OPN5: variants seen among roughly 807,000 people sequenced by gnomAD.
OPN5 encodes the protein opsin 5, also known as opsin-5.
OPN5 carries 18 observed loss-of-function variants against 41.7 expected under a neutral mutation model. The ratio of observed to expected loss-of-function variants is 0.43; its 90% confidence interval spans 0.30 to 0.64. OPN5 has a LOEUF of 0.64. OPN5 is among the 30% of genes least tolerant of loss of function. The pLI, the probability that OPN5 is intolerant of heterozygous loss-of-function variation, is 0.13. For synonymous variants in OPN5, 178 were observed against 164.3 expected (o/e 1.08, Z -0.64); for missense variants, 318 against 434.5 (o/e 0.73, Z 2.38).
chr6:47,824,198 A>G, exon 7 of OPN5: 1 of 587,684 alleles, frequency 1.7e-6, no homozygotes, highest in Non-Finnish European at 3.0e-6. Flanking sequence ...TCATTCTGGT[A>G]TAGTGGCAGA....
At position 47,794,979 on chromosome 6, in the gene OPN5, T is replaced by A. The variant is rs139323926; in HGVS notation, c.422-250T>A. ...TCTCTTTCCTGTCCCTTTTCCCAGC[T>A]GTTGTCACTTCTCCCTCCCAAAGCT... On this transcript the variant is annotated intron_variant, in intron 3 of 6. Transcript: ENST00000371211. 122 of 433,974 alleles carry A rather than the reference T, an allele frequency of 2.8e-4. 1 individual carries two copies. The East Asian group carries it at 3.5e-3, about 13-fold the overall frequency. 26.9% of individuals were successfully genotyped at this position (433,974 alleles called of 1,614,324 possible).
At position 47,792,628 on chromosome 6, in the gene OPN5, A is replaced by G. The variant is rs186944157; in HGVS notation, c.421+656A>G. 1.3e-3 allele frequency among the ~76,000 whole-genome samples: 203 copies of G among 152,352 alleles called. 1 individual carries two copies. The highest frequency in any genetic ancestry group is 4.6e-3 in the African/African-American group (193 of 41,580). ...CTACAGGTTAAAAATAATTTCTACT[A>G]CATTTGTTTGTTGGAGCTCTCGGAA... On this transcript the variant is annotated intron_variant, in intron 3 of 6. Coordinates refer to ENST00000371211, the Ensembl canonical transcript of OPN5.
chr6:47,823,814 G>T (rs1762711411), intron 6 of OPN5, among the ~76,000 whole-genome samples, 169 bp from the exon 7 acceptor site: 2 of 152,196 alleles, frequency 1.3e-5, no homozygotes, highest in Admixed American at 1.3e-4. Context: ...CACCTGCAAA[G>T]AGGACTCTGT....
intron 6 of OPN5, among the ~76,000 whole-genome samples, chr6:47,819,887 G>A (rs901304343): frequency 6.6e-6 from 1 of 152,122 alleles, no homozygotes; most frequent in African/African-American, 2.4e-5. Flanking sequence ...TGAGTTATTT[G>A]CTGGGAAGCA....
intron 6 of OPN5, among the ~76,000 whole-genome samples, chr6:47,820,287 T>C (rs1353247895): frequency 6.6e-6 from 1 of 152,150 alleles, no homozygotes; most frequent in East Asian, 1.9e-4. Flanking sequence ...TTGTCCCCTA[T>C]TAGGAAACTG....
chr6:47,800,238 G>A (rs1773717167), intron 4 of OPN5, among the ~76,000 whole-genome samples: 1 of 152,182 alleles, frequency 6.6e-6, no homozygotes, highest in African/African-American at 2.4e-5. Context: ...GGGAAATGGA[G>A]TTAGTACCCA....
rs549649205 is a variant in OPN5 at position 47,786,704 on chromosome 6, A to G, written c.250+70A>G. 29 of 1,342,468 alleles carry G rather than the reference A, an allele frequency of 2.2e-5. 1 individual carries two copies. In the South Asian group the frequency reaches 3.4e-4, roughly 16 times the overall value. The allele number at this position is 1,342,468 out of a possible 1,614,324, so 83.2% of individuals were successfully genotyped here. ...CCCATTCTAAAGTACTCACTGTCTC[A>G]AACGTCACCCCCTGACATCTCTTCC... On this transcript the variant is annotated intron_variant, in intron 2 of 6. Transcript: ENST00000371211.
intron 6 of OPN5, among the ~76,000 whole-genome samples, chr6:47,822,434 C>T (rs949902956): frequency 2.3e-4 from 35 of 152,164 alleles, no homozygotes; most frequent in African/African-American, 8.4e-4. Context: ...ATTTTCCTTA[C>T]ACCCAAAACT....
chr6:47,800,180 G>T (rs1268797937), intron 4 of OPN5, among the ~76,000 whole-genome samples: 1 of 152,216 alleles, frequency 6.6e-6, no homozygotes, highest in Non-Finnish European at 1.5e-5. Context: ...GAAAGACCAT[G>T]GCATTACAAT....
intron 2 of OPN5, among the ~76,000 whole-genome samples, chr6:47,788,158 T>G (rs943970476): frequency 5.3e-5 from 8 of 152,120 alleles, no homozygotes; most frequent in Non-Finnish European, 8.8e-5. Context: ...TTTGTGAAAA[T>G]AAACAGGACG....
At chr6:47,824,342 G>T (rs746450749) in exon 7 of OPN5, 26 of 334,318 alleles carry the variant, frequency 7.8e-5, no homozygotes, top group Non-Finnish European at 1.2e-4. Context: ...GATTCAAGGA[G>T]ATCAGGCTGT....
chr6:47,790,975 A>T (rs751101869), intron 2 of OPN5, among the ~76,000 whole-genome samples: 2 of 152,210 alleles, frequency 1.3e-5, no homozygotes, highest in African/African-American at 4.8e-5. Flanking sequence ...CATTATAAGG[A>T]ATCTCATGCC....
At chr6:47,789,555 T>G (rs996331698) in intron 2 of OPN5, among the ~76,000 whole-genome samples, 1 of 152,120 alleles carries the variant, frequency 6.6e-6, no homozygotes, top group African/African-American at 2.4e-5. Flanking sequence ...CAAACCTAAA[T>G]AGTTATTTTA....
chr6:47,823,584 A>T (rs1450860601), intron 6 of OPN5: 1 of 242,972 alleles, frequency 4.1e-6, no homozygotes, highest in African/African-American at 2.2e-5. Flanking sequence ...ATGAAAAGGA[A>T]GGGTATATGG....
intron 5 of OPN5, among the ~76,000 whole-genome samples, chr6:47,809,310 A>G (rs896559126): frequency 6.6e-6 from 1 of 152,196 alleles, no homozygotes; most frequent in Non-Finnish European, 1.5e-5. Flanking sequence ...TCCCTTGAAT[A>G]AGTAAGGGAC....
downstream of OPN5, chr6:47,825,412 G>C (rs1487595284): frequency 6.6e-6 from 1 of 152,170 alleles, no homozygotes; most frequent in African/African-American, 2.4e-5. Flanking sequence ...GTTATCAGGA[G>C]AGAGAATTTT....
chr6:47,798,674 G>A (rs1773658139), intron 4 of OPN5, among the ~76,000 whole-genome samples: 2 of 151,380 alleles, frequency 1.3e-5, no homozygotes, highest in South Asian at 2.1e-4. Flanking sequence ...ATTAATATTT[G>A]TGCAGAAAAT....
At chr6:47,813,113 C>CAAAAAAAAA (rs1341179581) in intron 6 of OPN5, among the ~76,000 whole-genome samples, 49 of 114,572 alleles carry the variant, frequency 4.3e-4, no homozygotes, top group African/African-American at 1.4e-3. Flanking sequence ...ACAACAACAA[C>CAAAAAAAAA]AAGCAACAAC....
chr6:47,821,323 G>T (rs1313904022), intron 6 of OPN5, among the ~76,000 whole-genome samples: 1 of 152,218 alleles, frequency 6.6e-6, no homozygotes, highest in Non-Finnish European at 1.5e-5. Flanking sequence ...GCACAGGGAG[G>T]GCTCTCCTAA....
Sources: gnomAD v4.1 joint callset for allele counts (sites outside exome capture counted in the v4.1 genomes callset) on GRCh38, gnomAD v4.1.1 for gene constraint, MANE v1.5 for transcripts, NCBI Gene and HGNC (gene_info 2026-07-23, HGNC 2026-07-21) for gene names.